The following MYH13 variants were observed in gnomAD, a reference collection of about 807,000 sequenced individuals.
MYH13 encodes the protein myosin heavy chain 13, also known as myosin-13.
Under a neutral mutation model 232.1 loss-of-function variants are expected in MYH13, and 177 were observed. That is an observed-to-expected ratio of 0.76 (90% confidence interval 0.67 to 0.86). The LOEUF (loss-of-function observed/expected upper bound fraction) is 0.86, where lower values mean the gene tolerates loss of function less well. Among genes scored for constraint, MYH13 ranks in the 40% least tolerant of loss-of-function variants. MYH13 has a pLI of 0.00. For missense variants in MYH13, 2,246 were observed against 2,405.9 expected (o/e 0.93, Z 1.39); for synonymous variants, 884 against 923.5 (o/e 0.96, Z 0.78).
At chr17:10,347,819 C>T (rs1022071958) in intron 12 of MYH13, among the ~76,000 whole-genome samples, 1 of 147,986 alleles carries the variant, frequency 6.8e-6, no homozygotes, top group East Asian at 2.1e-4. Context: ...CCTGGGTTCA[C>T]GCCATTCTCC....
chr17:10,303,262 C>T lies in MYH13; in HGVS notation c.5601G>A (p.Arg1867=). The part of the protein sequence containing the change: ...QAEEDHKNIL[R]LQDLVDKLQA... ...GCAGCTTGTCCACCAGGTCCTGGAG[C>T]CTAAGGATATTCTTGTGGTCCTCCT... The change falls in exon 39 of 41, where the codon AGG becomes AGA. Residue 1867 remains arginine (R), a synonymous_variant. Coordinates refer to ENST00000252172, the MANE Select transcript of MYH13 (RefSeq NM_003802.3). 6.2e-7 allele frequency: 1 copy of T among 1,613,714 alleles called. No individual in the cohort carries two copies. Among genetic ancestry groups the T allele is most frequent in the Non-Finnish European group, 8.5e-7 (1 of 1,179,806 alleles).
chr17:10,355,187 T>C (rs1418376574), intron 8 of MYH13, 40 bp from the exon 9 acceptor site: 3 of 1,547,062 alleles, frequency 1.9e-6, no homozygotes. Flanking sequence ...GGTTATTTGA[T>C]TTATATGGTT....
chr17:10,329,283 C>A (rs1907331385), intron 21 of MYH13, among the ~76,000 whole-genome samples: 1 of 152,178 alleles, frequency 6.6e-6, no homozygotes, highest in African/African-American at 2.4e-5. Flanking sequence ...CCCTCCAATC[C>A]CTGCAGGTGA....
At position 10,324,234 on chromosome 17, in the gene MYH13, G is replaced by T; in HGVS notation, c.2722C>A (p.Arg908=). ...TTGCTTTTGATGAGTCCTTCACACCGTTCCTCAGCGTCCATCAGATTTTCT... is the reference window on the plus strand; with the variant it reads ...TTGCTTTTGATGAGTCCTTCACACCTTTCCTCAGCGTCCATCAGATTTTCT... The part of the protein sequence containing the change: ...ETENLMDAEE[R]CEGLIKSKIL... The change falls in exon 23 of 41, where the codon CGG becomes AGG. Residue 908 remains arginine, a synonymous_variant. Coordinates refer to ENST00000252172, the MANE Select transcript of MYH13 (RefSeq NM_003802.3). The T allele has an allele frequency of 6.2e-7, 1 of 1,613,714 alleles. No individual in the cohort carries two copies. Among genetic ancestry groups the T allele is most frequent in the Non-Finnish European group, 8.5e-7 (1 of 1,179,840 alleles).
intron 22 of MYH13, among the ~76,000 whole-genome samples, chr17:10,327,594 G>A (rs971679816): frequency 6.6e-6 from 1 of 151,974 alleles, no homozygotes; most frequent in Non-Finnish European, 1.5e-5. Context: ...TATCCCTCAT[G>A]CCCACAGCAA....
intron 35 of MYH13, among the ~76,000 whole-genome samples, chr17:10,308,693 A>G (rs1305754199): frequency 6.6e-6 from 1 of 152,016 alleles, no homozygotes; most frequent in African/African-American, 2.4e-5. Context: ...CTTTTATAAA[A>G]ATAATTATTT....
chr17:10,328,958 G>A (rs1054724371), intron 21 of MYH13, among the ~76,000 whole-genome samples: 6 of 152,152 alleles, frequency 3.9e-5, no homozygotes, highest in Non-Finnish European at 5.9e-5. Flanking sequence ...GGTTACAAGC[G>A]TGAGCCACCA....
chr17:10,358,486 AT>A (rs1365654740), intron 7 of MYH13, among the ~76,000 whole-genome samples: 2 of 152,258 alleles, frequency 1.3e-5, no homozygotes, highest in African/African-American at 4.8e-5. Context: ...AATGCCAGGT[AT>A]GGTAGTTCAC....
chr17:10,322,591 A>G (rs1906994858), intron 23 of MYH13, among the ~76,000 whole-genome samples: 1 of 150,202 alleles, frequency 6.7e-6, no homozygotes, highest in Non-Finnish European at 1.5e-5. Flanking sequence ...TTTAGTCCAC[A>G]TAGTGGTTTA....
chr17:10,364,565 T>A lies in MYH13; in HGVS notation c.-12-23A>T. 4 of 1,551,488 alleles carry A rather than the reference T, an allele frequency of 2.6e-6. No individual in the cohort carries two copies. In the South Asian group the frequency reaches 4.7e-5, roughly 18 times the overall value. On this transcript the variant is annotated intron_variant, in intron 2 of 40. Coordinates refer to ENST00000252172, the MANE Select transcript of MYH13 (RefSeq NM_003802.3). ...GGGCTGGGAAGACCAGAGGGACTGC[T>A]GAGTCTTGTGCTTGGGTGACTGCTG...
At chr17:10,338,740 G>T (rs139283750) in intron 18 of MYH13, among the ~76,000 whole-genome samples, 1 of 135,488 alleles carries the variant, frequency 7.4e-6, no homozygotes, top group African/African-American at 2.6e-5. Flanking sequence ...TCGCTCTGTC[G>T]CCCAGGCTGG....
intron 11 of MYH13, among the ~76,000 whole-genome samples, chr17:10,352,152 C>T (rs1304028229): frequency 2.0e-5 from 3 of 152,192 alleles, no homozygotes; most frequent in African/African-American, 4.8e-5. Flanking sequence ...GAAAGCGTCA[C>T]TGCCTGGGGA....
At chr17:10,340,014 G>C (rs2071608796) in intron 18 of MYH13, 136 bp downstream of exon 18, 5 of 708,626 alleles carry the variant, frequency 7.1e-6, no homozygotes, top group Non-Finnish European at 1.2e-5. Flanking sequence ...GCTAAATCTG[G>C]CAACCCTATT....
At chr17:10,331,554 C>A (rs968463527) in intron 20 of MYH13, among the ~76,000 whole-genome samples, 1 of 152,164 alleles carries the variant, frequency 6.6e-6, no homozygotes, top group African/African-American at 2.4e-5. Flanking sequence ...TACTCACGTG[C>A]TCAATAAATG....
rs1195416100 is a variant in MYH13 at position 10,354,770 on chromosome 17, G to T, written c.915C>A (p.Ile305=). ...KKPELIDLLL[I]STNPFDFPFV... ...AGGGGAAGTCGAAGGGGTTGGTGGA[G>T]ATCAGAAGCAGGTCTGTGAAACACA... is the stretch of plus-strand genomic sequence containing the variant. The change falls in exon 11 of 41, where the codon ATC becomes ATA. Residue 305 remains isoleucine (I), a synonymous_variant. Coordinates refer to ENST00000252172, the MANE Select transcript of MYH13 (RefSeq NM_003802.3). The T allele has an allele frequency of 1.2e-6, 2 of 1,613,902 alleles. No individual in the cohort carries two copies. The highest frequency in any genetic ancestry group is 2.2e-5 in the South Asian group (2 of 91,068).
chr17:10,340,162 T>C lies in MYH13; in HGVS notation c.2044A>G (p.Thr682Ala). 3.1e-6 allele frequency: 5 copies of C among 1,613,534 alleles called. No individual in the cohort carries two copies. Among genetic ancestry groups the C allele is most frequent in the Non-Finnish European group, 4.2e-6 (5 of 1,179,638 alleles). Residue 682 changes from threonine to alanine, a missense_variant, in exon 18 of 41, where the codon ACC (threonine) becomes GCC (alanine). Coordinates refer to ENST00000252172, the MANE Select transcript of MYH13 (RefSeq NM_003802.3). ...TGCTGGTACTCACCAGGAGTCTTGG[T>C]CTCATTGGGAATCAGACATCGTACA... ...HFVRCLIPNE[T>A]KTPGVMDHYL...
Position 10,306,220 on chromosome 17 carries a change from A to ATGTGTGTGTGTGTGTGTG in MYH13, c.5466+221_5466+238dup, listed in dbSNP as rs34889608. Among the ~76,000 whole-genome samples the ATGTGTGTGTGTGTGTGTG allele has an allele frequency of 1.2e-3, 151 of 130,024 alleles. 2 individuals are homozygous for ATGTGTGTGTGTGTGTGTG. The highest frequency in any genetic ancestry group is 1.1e-3 in the Non-Finnish European group (70 of 61,028). 85.3% of individuals were successfully genotyped at this position (130,024 alleles called of 152,430 possible). On this transcript the variant is annotated intron_variant, in intron 37 of 40. Transcript: ENST00000252172. This position sits in a 1 kb window ranked among gnomAD's most constrained non-coding sequence, Gnocchi z 4.3. ...CTGAGGTGTGAGCATACCAAAATAG[A>ATGTGTGTGTGTGTGTGTG]TGTGTGTGTGTGTGTGTGTGTGTGT... is the stretch of plus-strand genomic sequence containing the variant.
chr17:10,328,073 G>T lies in MYH13; in HGVS notation c.2484C>A (p.Val828=), dbSNP rs372145831. The change falls in exon 22 of 41, where the codon GTC becomes GTA. Residue 828 remains valine, a synonymous_variant. Transcript: ENST00000252172. ...ACAGGTTCATCCAGGGCCAGTGCTT[G>T]ACGTTCATAAAAGAGCGGATGTTGT... ...IQYNIRSFMN[V]KHWPWMNLFF... 1 of 1,614,046 alleles carries T rather than the reference G, an allele frequency of 6.2e-7. No homozygotes were observed. The highest frequency in any genetic ancestry group is 8.5e-7 in the Non-Finnish European group (1 of 1,180,022).
intron 32 of MYH13, 58 bp downstream of exon 32, chr17:10,311,852 GA>G (rs1160281579): frequency 2.5e-6 from 4 of 1,593,928 alleles, no homozygotes; most frequent in Non-Finnish European, 3.4e-6. Context: ...GCCAAATGGG[GA>G]AGGGGTTGGC....
Sources: allele counts gnomAD v4.1 joint callset (sites outside exome capture counted in the v4.1 genomes callset), GRCh38; gene constraint gnomAD v4.1.1; non-coding constraint Gnocchi (gnomAD v3.1); transcripts MANE v1.5; gene names NCBI Gene and HGNC (gene_info 2026-07-23, HGNC 2026-07-21).